AGBL4: variants seen among roughly 807,000 people sequenced by gnomAD.
The protein encoded by AGBL4 is cytosolic carboxypeptidase 6.
AGBL4 carries 58 observed loss-of-function variants against 66.4 expected under a neutral mutation model. That is an observed-to-expected ratio of 0.87 (90% CI 0.71 to 1.09). The LOEUF (loss-of-function observed/expected upper bound fraction) is 1.09, where lower values mean the gene tolerates loss of function less well. Among genes scored for constraint, AGBL4 ranks in the 50% least tolerant of loss-of-function variants. The probability of loss-of-function intolerance (pLI) is 0.00; values close to 1 mark genes in which losing one functional copy is unlikely to be tolerated. For synonymous variants in AGBL4, 234 were observed against 222.9 expected (o/e 1.05, Z -0.44); for missense variants, 579 against 631.0 (o/e 0.92, Z 0.88).
chr1:49,451,961 C>G (rs1646286438), intron 3 of AGBL4, among the ~76,000 whole-genome samples: 1 of 151,890 alleles, frequency 6.6e-6, no homozygotes, highest in East Asian at 1.9e-4. Context: ...CATACATATA[C>G]AATATTAGAC....
chr1:49,698,311 C>A (rs1647025208), intron 2 of AGBL4, among the ~76,000 whole-genome samples: 1 of 152,068 alleles, frequency 6.6e-6, no homozygotes, highest in Non-Finnish European at 1.5e-5. Flanking sequence ...TATTTCTATG[C>A]CAACTACTAC....
chr1:49,700,295 TTAAA>T (rs1038189350), intron 2 of AGBL4, among the ~76,000 whole-genome samples: 1 of 123,812 alleles, frequency 8.1e-6, no homozygotes, highest in Non-Finnish European at 1.7e-5. Flanking sequence ...TATAAAAACA[TTAAA>T]TAGATAGATA....
At chr1:49,733,438 C>T (rs938414998) in intron 2 of AGBL4, among the ~76,000 whole-genome samples, 22 of 152,182 alleles carry the variant, frequency 1.4e-4, no homozygotes, top group African/African-American at 3.4e-4. Context: ...AATTTGACAT[C>T]TTAGCTGACA....
At chr1:48,714,445 A>G (rs537160272) in intron 6 of AGBL4, among the ~76,000 whole-genome samples, 1 of 152,252 alleles carries the variant, frequency 6.6e-6, no homozygotes, top group South Asian at 2.1e-4. Context: ...TCAGCAAACC[A>G]TGCTGGTTTT....
intron 3 of AGBL4, among the ~76,000 whole-genome samples, chr1:49,600,414 CAG>C (rs1254362742): frequency 1.3e-5 from 2 of 152,134 alleles, no homozygotes; most frequent in African/African-American, 4.8e-5. Flanking sequence ...TCTGTTTTAT[CAG>C]AGACTAGGGT....
intron 3 of AGBL4, among the ~76,000 whole-genome samples, chr1:49,490,066 G>A (rs1647156922): frequency 6.6e-6 from 1 of 151,864 alleles, no homozygotes; most frequent in Non-Finnish European, 1.5e-5. Flanking sequence ...AACCTCACGT[G>A]TAATGTCAAA....
intron 3 of AGBL4, among the ~76,000 whole-genome samples, chr1:49,679,549 C>T (rs1239033959): frequency 6.6e-6 from 1 of 151,946 alleles, no homozygotes; most frequent in Admixed American, 6.6e-5. Flanking sequence ...GTAAATAAGG[C>T]CACTTACATT....
In AGBL4 at chr1:48,841,896, A is replaced by G. The variant is rs1463553432; in HGVS notation, c.634+25295T>C. Among the ~76,000 whole-genome samples the G allele has an allele frequency of 3.3e-5, 5 of 152,220 alleles. No individual in the cohort carries two copies. The East Asian group carries it at 9.6e-4, about 29-fold the overall frequency. ...AAATAAATGTGAAATGCATATTTAC[A>G]GAGCACATGTAATTGCTTTTGGGCA... On this transcript the variant is annotated intron_variant, in intron 6 of 13. Coordinates refer to ENST00000371839, the MANE Select transcript of AGBL4 (RefSeq NM_032785.4).
intron 6 of AGBL4, among the ~76,000 whole-genome samples, chr1:48,819,078 T>C (rs1646253344): frequency 6.6e-6 from 1 of 152,202 alleles, no homozygotes. Flanking sequence ...ACTCTGCTGC[T>C]GTGTGAAAGA....
chr1:48,832,683 G>A (rs1646581949), intron 6 of AGBL4, among the ~76,000 whole-genome samples: 2 of 152,174 alleles, frequency 1.3e-5, no homozygotes, highest in South Asian at 4.1e-4. Context: ...CTATGTGGGT[G>A]TTTCTGGATG....
At chr1:49,799,390 G>C (rs774754572) in intron 2 of AGBL4, among the ~76,000 whole-genome samples, 1 of 152,096 alleles carries the variant, frequency 6.6e-6, no homozygotes. Flanking sequence ...GAAATTATCT[G>C]TCTCTGAAAT....
At chr1:49,495,143 C>T (rs1269036297) in intron 3 of AGBL4, among the ~76,000 whole-genome samples, 5 of 152,056 alleles carry the variant, frequency 3.3e-5, no homozygotes, top group South Asian at 2.1e-4. Flanking sequence ...TTTTAGTACA[C>T]TAACGTCTAA....
At chr1:49,730,876 T>C (rs1465906647) in intron 2 of AGBL4, among the ~76,000 whole-genome samples, 1 of 152,206 alleles carries the variant, frequency 6.6e-6, no homozygotes, top group African/African-American at 2.4e-5. Context: ...ATAGCCAATT[T>C]TGTGGACAGA....
At chr1:48,986,152 C>CA (rs772947410) in intron 5 of AGBL4, among the ~76,000 whole-genome samples, 6 of 151,818 alleles carry the variant, frequency 4.0e-5, no homozygotes, top group African/African-American at 7.2e-5. Flanking sequence ...CCCCAATTAA[C>CA]AAAAAAACAG....
At chr1:48,651,608 C>T (rs748056459) in intron 8 of AGBL4, among the ~76,000 whole-genome samples, 5 of 152,196 alleles carry the variant, frequency 3.3e-5, no homozygotes, top group Non-Finnish European at 5.9e-5. Context: ...CTTGCGAATG[C>T]TAATGAACCA....
intron 5 of AGBL4, among the ~76,000 whole-genome samples, chr1:48,974,635 T>C (rs1659171220): frequency 6.6e-6 from 1 of 152,204 alleles, no homozygotes; most frequent in Admixed American, 6.5e-5. Flanking sequence ...ACATTCTTAT[T>C]ACTTCCCCAT....
chr1:49,647,543 G>A (rs1262778634), intron 3 of AGBL4, among the ~76,000 whole-genome samples: 1 of 152,132 alleles, frequency 6.6e-6, no homozygotes, highest in Non-Finnish European at 1.5e-5. Context: ...ACAGTTTTGT[G>A]AATTTTACAT....
At chr1:49,778,180 C>T (rs1345817166) in intron 2 of AGBL4, among the ~76,000 whole-genome samples, 1 of 152,172 alleles carries the variant, frequency 6.6e-6, no homozygotes, top group Admixed American at 6.5e-5. Flanking sequence ...GCTGAGTGGG[C>T]TTGCATTACT....
intron 1 of AGBL4, among the ~76,000 whole-genome samples, chr1:49,987,381 C>T (rs1659584688): frequency 6.6e-6 from 1 of 151,878 alleles, no homozygotes; most frequent in African/African-American, 2.4e-5. Context: ...ATAGTTCTTC[C>T]TAAAGGCAAA....
Sources: allele counts gnomAD v4.1 joint callset (sites outside exome capture counted in the v4.1 genomes callset), GRCh38; gene constraint gnomAD v4.1.1; transcripts MANE v1.5; gene names NCBI Gene and HGNC (gene_info 2026-07-23, HGNC 2026-07-21).